The following LARP4 variants were observed in gnomAD, a reference collection of about 807,000 sequenced individuals.
LARP4 encodes the protein La ribonucleoprotein 4, also known as la-related protein 4.
In LARP4, 29 loss-of-function variants were observed where a neutral mutation model predicts 92.9. That is an observed-to-expected ratio of 0.31 (90% CI 0.23 to 0.43). The LOEUF is 0.43. Among genes scored for constraint, LARP4 ranks in the 20% least tolerant of loss-of-function variants. LARP4 has a pLI of 1.00. For missense variants in LARP4, 732 were observed against 860.0 expected (o/e 0.85, Z 1.86); for synonymous variants, 279 against 284.1 (o/e 0.98, Z 0.18).
At chr12:50,431,161 G>T (rs927318749) in intron 4 of LARP4, among the ~76,000 whole-genome samples, 1 of 152,028 alleles carries the variant, frequency 6.6e-6, no homozygotes, top group Non-Finnish European at 1.5e-5. Flanking sequence ...CCAGCTACTT[G>T]GGAGGCTGAG....
chr12:50,475,979 G>A lies in LARP4; in HGVS notation c.*115G>A, dbSNP rs908942281. The A allele has an allele frequency of 2.6e-5, 22 of 833,340 alleles. No homozygotes were observed. Among genetic ancestry groups the A allele is most frequent in the African/African-American group, 1.9e-4 (11 of 58,114 alleles). 51.6% of individuals were successfully genotyped at this position (833,340 alleles called of 1,614,324 possible). On this transcript the variant is annotated 3_prime_UTR_variant, in exon 16 of 16. Coordinates refer to ENST00000398473, the MANE Select transcript of LARP4 (RefSeq NM_052879.5). ...CCAGGAAGGAAACAAGAGAAAGTAC[G>A]TCCATTTCATTATGGATTTTGGAGT...
At chr12:50,456,592 T>G (rs562662011) in intron 10 of LARP4, among the ~76,000 whole-genome samples, 1 of 152,218 alleles carries the variant, frequency 6.6e-6, no homozygotes, top group Non-Finnish European at 1.5e-5. Flanking sequence ...TGATCACTAT[T>G]CCTACTTAGA....
At chr12:50,468,552 C>T (rs1293091393) in intron 13 of LARP4, among the ~76,000 whole-genome samples, 1 of 152,108 alleles carries the variant, frequency 6.6e-6, no homozygotes, top group African/African-American at 2.4e-5. Context: ...CCGTCTCGGC[C>T]TCCCAAAGTG....
intron 5 of LARP4, among the ~76,000 whole-genome samples, chr12:50,435,951 A>C (rs923307452): frequency 1.3e-5 from 2 of 150,088 alleles, no homozygotes; most frequent in African/African-American, 4.9e-5. Flanking sequence ...CTAATCTTTA[A>C]ATTTTTGTAT....
chr12:50,402,468 A>G (rs1944046094), intron 1 of LARP4, among the ~76,000 whole-genome samples: 1 of 152,168 alleles, frequency 6.6e-6, no homozygotes. Context: ...ATGTTATGCT[A>G]TGTAAATACC....
rs1325684738 is a variant in LARP4 at position 50,479,856 on chromosome 12, A to G, written c.*3992A>G. ...TTGCTTAGATTTGTTCCTGTTGTCA[A>G]AACTGTTACCCCCAAAATTGGTGTG... On this transcript the variant is annotated 3_prime_UTR_variant, in exon 16 of 16. Transcript: ENST00000398473. The G allele has an allele frequency of 6.6e-6, 1 of 152,504 alleles. No homozygotes were observed. The highest frequency in any genetic ancestry group is 1.5e-5 in the Non-Finnish European group (1 of 68,046). The allele number at this position is 152,504 out of a possible 1,614,324, so 9.4% of individuals were successfully genotyped here.
intron 12 of LARP4, 144 bp downstream of exon 12, chr12:50,462,774 A>G (rs898050081): frequency 1.7e-6 from 1 of 587,356 alleles, no homozygotes; most frequent in Non-Finnish European, 2.9e-6. Context: ...TTAACCCTGA[A>G]ATTTTTACCA....
intron 1 of LARP4, among the ~76,000 whole-genome samples, chr12:50,408,623 G>C (rs900674037): frequency 1.1e-4 from 17 of 152,128 alleles, no homozygotes; most frequent in African/African-American, 3.6e-4. Context: ...CAGGTAAGAT[G>C]ATCTTACCTG....
intron 10 of LARP4, among the ~76,000 whole-genome samples, chr12:50,457,280 C>T (rs1042874442): frequency 3.4e-5 from 5 of 149,230 alleles, no homozygotes; most frequent in Non-Finnish European, 7.4e-5. Flanking sequence ...GATCTCGGCT[C>T]ACTGCAACGT....
At chr12:50,404,681 GTTT>G (rs1162590362) in intron 1 of LARP4, among the ~76,000 whole-genome samples, 104 of 67,376 alleles carry the variant, frequency 1.5e-3, no homozygotes, top group African/African-American at 4.3e-3. Context: ...GGTTCAAGCA[GTTT>G]TTTTTTTTTT....
chr12:50,458,518 G>A (rs866782497), intron 10 of LARP4, among the ~76,000 whole-genome samples: 8 of 152,268 alleles, frequency 5.3e-5, no homozygotes, highest in Middle Eastern at 6.8e-3. Flanking sequence ...ACGTTTAATT[G>A]GTGGGGTTAT....
chr12:50,401,511 C>A (rs1325371959), intron 1 of LARP4, among the ~76,000 whole-genome samples: 2 of 152,188 alleles, frequency 1.3e-5, no homozygotes, highest in East Asian at 3.9e-4. Context: ...TTGAAAAGTT[C>A]TTTTGAGCAA....
chr12:50,440,397 G>T, intron 6 of LARP4, 42 bp from the exon 7 acceptor site: 2 of 1,385,168 alleles, frequency 1.4e-6, no homozygotes, highest in South Asian at 1.2e-5. Flanking sequence ...GCCAATTATT[G>T]ATGTATTTTT....
chr12:50,454,435 G>A lies in LARP4; in HGVS notation c.1121+18G>A. On this transcript the variant is annotated intron_variant, in intron 10 of 15. Coordinates refer to ENST00000398473, the MANE Select transcript of LARP4 (RefSeq NM_052879.5). The stretch of plus-strand genomic sequence containing the variant: ...AAAAATCGGTAAGATAAAAACCATA[G>A]CTGTAATGTATTTTAAACAATTCCT... The A allele has an allele frequency of 1.3e-6, 2 of 1,554,900 alleles. No individual in the cohort carries two copies. Among genetic ancestry groups the A allele is most frequent in the Non-Finnish European group, 1.8e-6 (2 of 1,130,512 alleles).
At chr12:50,462,082 A>G (rs1036213687) in intron 11 of LARP4, among the ~76,000 whole-genome samples, 1 of 152,182 alleles carries the variant, frequency 6.6e-6, no homozygotes, top group East Asian at 1.9e-4. Context: ...ATGGTGTGGT[A>G]GTAGGTAAAG....
intron 1 of LARP4, among the ~76,000 whole-genome samples, chr12:50,419,704 CA>C (rs1311028654): frequency 2.0e-5 from 3 of 152,056 alleles, no homozygotes; most frequent in Admixed American, 6.6e-5. Flanking sequence ...GCCAGGAGTT[CA>C]AGACTGGCTA....
At chr12:50,460,297 TC>T (rs1478086658) in intron 10 of LARP4, among the ~76,000 whole-genome samples, 1 of 152,098 alleles carries the variant, frequency 6.6e-6, no homozygotes, top group African/African-American at 2.4e-5. Flanking sequence ...CTTTGGATTT[TC>T]CCCCGTCTCT....
chr12:50,441,497 T>C (rs1251424919), intron 7 of LARP4, 93 bp from the exon 8 acceptor site: 4 of 928,336 alleles, frequency 4.3e-6, no homozygotes, highest in Non-Finnish European at 6.5e-6. Flanking sequence ...AATTTTGTTT[T>C]TATAGTTTAA....
chr12:50,445,780 TTCTC>T (rs1425256244), intron 8 of LARP4, among the ~76,000 whole-genome samples: 1 of 152,150 alleles, frequency 6.6e-6, no homozygotes, highest in Non-Finnish European at 1.5e-5. Context: ...AAAATATTTC[TTCTC>T]TCTCTGCTGT....
Sources: allele counts gnomAD v4.1 joint callset (sites outside exome capture counted in the v4.1 genomes callset), GRCh38; gene constraint gnomAD v4.1.1; transcripts MANE v1.5; gene names NCBI Gene and HGNC (gene_info 2026-07-23, HGNC 2026-07-21).